The following ERC1 variants were observed in gnomAD, a reference collection of about 807,000 sequenced individuals.
The protein encoded by ERC1 is RAB6 interacting protein 2.
A neutral mutation model predicts 132.0 loss-of-function variants in ERC1; 56 were observed. The observed-to-expected ratio is 0.42, with a 90% CI of 0.34 to 0.53. The LOEUF is 0.53. Ranked by LOEUF, ERC1 falls within the 20% of genes least tolerant of loss-of-function variation. The probability of loss-of-function intolerance (pLI) is 0.03; values close to 1 mark genes in which losing one functional copy is unlikely to be tolerated. For missense variants in ERC1, 1,202 were observed against 1,349.9 expected, an observed-to-expected ratio of 0.89 and a Z score of 1.72; for synonymous variants, 478 against 476.1, an observed-to-expected ratio of 1.00 and a Z score of -0.05.
At chr12:1,187,478 GCAGGTCTTGAAC>G (rs1425283365) in intron 11 of ERC1, among the ~76,000 whole-genome samples, 1 of 151,212 alleles carries the variant, frequency 6.6e-6, no homozygotes, top group Non-Finnish European at 1.5e-5. Context: ...TGTTTCCCTG[GCAGGTCTTGAAC>G]TCCTGGGCTC....
At chr12:1,188,987 C>T (rs950354022) in intron 11 of ERC1, among the ~76,000 whole-genome samples, 3 of 152,148 alleles carry the variant, frequency 2.0e-5, no homozygotes, top group African/African-American at 7.2e-5. Flanking sequence ...TTCCAAAATG[C>T]ATTAACAATA....
intron 15 of ERC1, among the ~76,000 whole-genome samples, chr12:1,295,433 A>G (rs1183928590): frequency 6.6e-6 from 1 of 152,188 alleles, no homozygotes; most frequent in East Asian, 1.9e-4. Flanking sequence ...GGACTAGGCT[A>G]CGTGTTCACT....
intron 11 of ERC1, among the ~76,000 whole-genome samples, chr12:1,187,456 G>A (rs1955227817): frequency 6.6e-6 from 1 of 150,758 alleles, no homozygotes; most frequent in South Asian, 2.1e-4. Flanking sequence ...TTGTAGAGGC[G>A]AGGTCCCATT....
intron 8 of ERC1, among the ~76,000 whole-genome samples, chr12:1,146,612 GTT>G (rs146362967): frequency 4.3e-5 from 6 of 138,076 alleles, no homozygotes; most frequent in Admixed American, 2.9e-4. Context: ...TTCCAGTACT[GTT>G]TTTTTTTTTT....
At chr12:1,483,740 A>AGTG (rs1478392631) in intron 18 of ERC1, among the ~76,000 whole-genome samples, 1 of 117,748 alleles carries the variant, frequency 8.5e-6, no homozygotes, top group Admixed American at 1.3e-4. Context: ...CCCAGGCTGG[A>AGTG]GTGCAGTGGC....
chr12:1,033,522 G>C (rs1968474213), intron 2 of ERC1, among the ~76,000 whole-genome samples: 1 of 151,082 alleles, frequency 6.6e-6, no homozygotes. Context: ...GGAGCGCAAT[G>C]GCACAATCTC....
intron 8 of ERC1, among the ~76,000 whole-genome samples, chr12:1,173,254 T>C (rs1953281344): frequency 6.6e-6 from 1 of 152,180 alleles, no homozygotes; most frequent in Non-Finnish European, 1.5e-5. Flanking sequence ...CCTAGTGATT[T>C]TCCCATAGGC....
chr12:1,262,665 T>C (rs1314419468), intron 13 of ERC1, among the ~76,000 whole-genome samples: 1 of 151,994 alleles, frequency 6.6e-6, no homozygotes. Context: ...TTCGGTCGAA[T>C]TACTATCTCA....
intron 2 of ERC1, among the ~76,000 whole-genome samples, chr12:1,033,469 C>A (rs999765595): frequency 6.6e-6 from 1 of 150,810 alleles, no homozygotes; most frequent in African/African-American, 2.4e-5. Context: ...CCGCACCCAG[C>A]CTTTTTTTTT....
Position 1,029,284 on chromosome 12 carries a change from G to A in ERC1, c.669+712G>A, listed in dbSNP as rs141426119. ...GGAGAATCACGTAAACCTGGGAGGC[G>A]GAGGTTGCAGTGAGCTGAGATCCCG... On this transcript the variant is annotated intron_variant, in intron 2 of 18. Transcript: ENST00000360905. Among the ~76,000 whole-genome samples the A allele has an allele frequency of 3.2e-3, 482 of 152,178 alleles. 8 individuals carry two copies. The highest frequency in any genetic ancestry group is 0.011 in the African/African-American group (464 of 41,518).
At chr12:1,410,724 C>T (rs530214416) in intron 17 of ERC1, among the ~76,000 whole-genome samples, 2 of 149,426 alleles carry the variant, frequency 1.3e-5, no homozygotes, top group African/African-American at 2.5e-5. Context: ...ACTTCTAGGA[C>T]GTGTAACTAA....
rs143848412 is a variant in ERC1, at chr12:1,438,581, G to A, written c.3025-5981G>A. Among the ~76,000 whole-genome samples, 439 of 152,234 alleles carry A rather than the reference G, an allele frequency of 2.9e-3. 2 individuals are homozygous for A. Among genetic ancestry groups the A allele is most frequent in the African/African-American group, 9.1e-3 (380 of 41,548 alleles). ...GCTCTGAGCTAGCCACAGAAGAATC[G>A]TAGTAGATATAAAAATAATTTGCCA... On this transcript the variant is annotated intron_variant, in intron 17 of 18. Transcript: ENST00000360905.
At chr12:1,114,092 C>T (rs1296241545) in intron 6 of ERC1, among the ~76,000 whole-genome samples, 1 of 151,984 alleles carries the variant, frequency 6.6e-6, no homozygotes, top group Admixed American at 6.6e-5. Context: ...GGCGAGATCT[C>T]GGCTCACTGC....
rs557114542 is a variant in ERC1 at position 1,495,582 on chromosome 12, C to A, written c.*5352C>A. 8.8e-6 allele frequency: 2 copies of A among 228,460 alleles called. No homozygotes were observed. Among genetic ancestry groups the A allele is most frequent in the African/African-American group, 4.4e-5 (2 of 45,152 alleles). 14.2% of individuals were successfully genotyped at this position (228,460 alleles called of 1,614,324 possible). A position where few individuals can be genotyped will look rare whatever the true frequency, so the allele number is the denominator to read the frequency against. On this transcript the variant is annotated 3_prime_UTR_variant, in exon 19 of 19. Transcript: ENST00000360905. ...TCGCAGGACTAGCCCAGGCACCTGC[C>A]GGGCATTGCAGGATATCCAGTGGGG...
At chr12:1,417,983 T>C (rs1249634031) in intron 17 of ERC1, among the ~76,000 whole-genome samples, 1 of 152,108 alleles carries the variant, frequency 6.6e-6, no homozygotes, top group Non-Finnish European at 1.5e-5. Context: ...ATAGATACCA[T>C]TTTCATTATT....
intron 2 of ERC1, among the ~76,000 whole-genome samples, chr12:1,067,976 G>A (rs1452325805): frequency 6.8e-6 from 1 of 146,176 alleles, no homozygotes; most frequent in African/African-American, 2.5e-5. Flanking sequence ...CTGTCGCCCA[G>A]GCTGGAGTGC....
intron 15 of ERC1, among the ~76,000 whole-genome samples, chr12:1,318,367 A>G (rs1431867148): frequency 2.0e-5 from 3 of 152,230 alleles, no homozygotes; most frequent in Admixed American, 1.3e-4. Flanking sequence ...AAAAGCTCAT[A>G]CAAAATTTTG....
At chr12:1,418,666 T>TTTTCTTTC (rs202159587) in intron 17 of ERC1, among the ~76,000 whole-genome samples, 1,135 of 86,332 alleles carry the variant, frequency 0.013, 79 homozygotes, top group Non-Finnish European at 0.018. Context: ...TCTCTCTTTC[T>TTTTCTTTC]TTTCTTTCTT....
At chr12:1,339,195 A>G (rs957405862) in intron 15 of ERC1, among the ~76,000 whole-genome samples, 27 of 144,940 alleles carry the variant, frequency 1.9e-4, no homozygotes, top group African/African-American at 6.3e-4. Context: ...GCCCGCCCCC[A>G]TGTAGGCATT....
Sources: gnomAD v4.1 joint callset for allele counts (sites outside exome capture counted in the v4.1 genomes callset) on GRCh38, gnomAD v4.1.1 for gene constraint, MANE v1.5 for transcripts, NCBI Gene and HGNC (gene_info 2026-07-23, HGNC 2026-07-21) for gene names.